Variants in PTS observed in about 807,000 individuals in gnomAD.
PTS encodes the protein 6-pyruvoyltetrahydropterin synthase.
A neutral mutation model predicts 20.6 loss-of-function variants in PTS; 23 were observed. That is an observed-to-expected ratio of 1.12 (90% CI 0.80 to 1.58). PTS has a LOEUF of 1.58. Among genes scored for constraint, PTS ranks in the 40% most tolerant of loss-of-function variants. PTS has a pLI of 0.00. For missense variants in PTS, 186 were observed against 182.4 expected (o/e 1.02, Z -0.11); for synonymous variants, 65 against 62.5 (o/e 1.04, Z -0.19).
intron 4 of PTS, among the ~76,000 whole-genome samples, chr11:112,232,658 T>C (rs1592881596): frequency 6.6e-6 from 1 of 152,206 alleles, no homozygotes; most frequent in African/African-American, 2.4e-5. Flanking sequence ...ATATTTTTCC[T>C]TCTATGAGCC....
chr11:112,233,040 A>G, intron 4 of PTS, 123 bp from the exon 5 acceptor site: 1 of 963,544 alleles, frequency 1.0e-6, no homozygotes, highest in South Asian at 1.3e-5. Context: ...ACTCAAATCT[A>G]GTACTTACAA....
chr11:112,227,242 C>T (rs773811432), intron 1 of PTS, among the ~76,000 whole-genome samples: 8 of 152,014 alleles, frequency 5.3e-5, no homozygotes, highest in African/African-American at 9.7e-5. Flanking sequence ...GGATGACCAT[C>T]GCTATCTAAC....
Position 112,230,221 on chromosome 11 carries a change from A to G in PTS, c.177A>G (p.Val59=). ...TTCTTTCCATAGTTGTGGTGACAGT[A>G]CATGGAGAGGTATGTGCAGAAAATA... ...HGHNYKVVVT[V]HGEIDPATGM... is the part of the protein sequence containing the mutation. Residue 59 remains valine (V), a synonymous_variant, in exon 3 of 6, where the codon GTA becomes GTG. Transcript: ENST00000280362. 6.2e-7 allele frequency: 1 copy of G among 1,613,722 alleles called. No homozygotes were observed. The highest frequency in any genetic ancestry group is 8.5e-7 in the Non-Finnish European group (1 of 1,179,606).
Position 112,233,496 on chromosome 11 carries a change from C to G in PTS, c.379C>G (p.Leu127Val), listed in dbSNP as rs1859971515. 1.2e-6 allele frequency: 2 copies of G among 1,612,762 alleles called. No individual in the cohort carries two copies. The highest frequency in any genetic ancestry group is 1.7e-5 in the Admixed American group (1 of 59,896). Residue 127 changes from leucine to valine, a missense_variant, in exon 6 of 6, where the codon CTT (leucine) becomes GTT (valine). By Grantham distance (32) the Leu-to-Val change is conservative. Coordinates refer to ENST00000280362, the MANE Select transcript of PTS (RefSeq NM_000317.3). Reference sequence around the variant, plus strand: ...CCAGAAAGTTCTTCCTGTAGGAGTTCTTTATAAAGTAAAAGTATACGAAAC... The same window carrying G: ...CCAGAAAGTTCTTCCTGTAGGAGTTGTTTATAAAGTAAAAGTATACGAAAC... ...NLQKVLPVGV[L>V]YKVKVYETDN...
Position 112,233,628 on chromosome 11 carries a change from T to C in PTS, c.*73T>C, listed in dbSNP as rs1859974414. The C allele has an allele frequency of 1.9e-6, 3 of 1,603,566 alleles. No homozygotes were observed. The highest frequency in any genetic ancestry group is 2.6e-6 in the Non-Finnish European group (3 of 1,175,380). ...AAAAGATTTTGATCCCCTTGGAATA[T>C]TAAGAGGTCAACACGTGATTGTTGT... On this transcript the variant is annotated 3_prime_UTR_variant, in exon 6 of 6. Transcript: ENST00000280362.
At chr11:112,230,278 C>T in intron 3 of PTS, 48 bp downstream of exon 3, 2 of 1,586,204 alleles carry the variant, frequency 1.3e-6, no homozygotes, top group Non-Finnish European at 1.7e-6. Context: ...GCTGGGCTCT[C>T]TTTCAGCCAG....
chr11:112,228,511 C>A, intron 1 of PTS, 83 bp from the exon 2 acceptor site: 1 of 1,189,732 alleles, frequency 8.4e-7, no homozygotes, highest in Non-Finnish European at 1.2e-6. Context: ...AAGATCAGTA[C>A]AAATAATAAA....
rs759579787 is a variant in PTS, at chr11:112,233,159, C to T, written c.244-4C>T. 1 of 1,613,146 alleles carries T rather than the reference C, an allele frequency of 6.2e-7. No individual in the cohort carries two copies. The highest frequency in any genetic ancestry group is 8.5e-7 in the Non-Finnish European group (1 of 1,179,162). On this transcript the variant is annotated splice_polypyrimidine_tract_variant and splice_region_variant and intron_variant, in intron 4 of 5. Transcript: ENST00000280362. ...ATGATATTTTCCCTTGGTTTTGTCT[C>T]TAGGAGGCGATTATGCAGCCCCTTG...
At position 112,233,139 on chromosome 11, in the gene PTS, A is replaced by AT; in HGVS notation, c.244-20dup. ...TTGAGTCGTAAATGGAGTCAATGAT[A>AT]TTTTCCCTTGGTTTTGTCTCTAGGA... On this transcript the variant is annotated intron_variant, in intron 4 of 5. Transcript: ENST00000280362. The AT allele has an allele frequency of 2.5e-6, 4 of 1,600,966 alleles. No homozygotes were observed. The Middle Eastern group carries it at 5.0e-4, about 199-fold the overall frequency.
rs1373599927 is a variant in PTS, at chr11:112,230,698, G to T, written c.243+16G>T. ...ATATATGGAGGTAATGGCATGTTGG[G>T]TGCTTATTATGTGCTATTCCCTAAC... On this transcript the variant is annotated intron_variant, in intron 4 of 5. Coordinates refer to ENST00000280362, the MANE Select transcript of PTS (RefSeq NM_000317.3). 6.3e-7 allele frequency: 1 copy of T among 1,598,586 alleles called. No individual in the cohort carries two copies. Among genetic ancestry groups the T allele is most frequent in the Non-Finnish European group, 8.6e-7 (1 of 1,166,178 alleles).
intron 5 of PTS, 55 bp downstream of exon 5, chr11:112,233,288 A>G: frequency 6.4e-7 from 1 of 1,570,908 alleles, no homozygotes; most frequent in Non-Finnish European, 8.8e-7. Context: ...ATTGATTTGA[A>G]TACTTTGATT....
At chr11:112,231,921 A>C in intron 4 of PTS, among the ~76,000 whole-genome samples, 1 of 103,714 alleles carries the variant, frequency 9.6e-6, no homozygotes. Flanking sequence ...AGGGGAGGAC[A>C]GGGGAGGAGA....
chr11:112,232,830 G>C (rs911383203), intron 4 of PTS, among the ~76,000 whole-genome samples: 1 of 152,166 alleles, frequency 6.6e-6, no homozygotes, highest in Non-Finnish European at 1.5e-5. Context: ...AAATATTTGT[G>C]CTAACTGTTT....
In PTS at chr11:112,230,650, A is replaced by G. The variant is rs1296871450; in HGVS notation, c.211A>G (p.Met71Val). The G allele has an allele frequency of 1.2e-6, 2 of 1,611,456 alleles. No individual in the cohort carries two copies. Among genetic ancestry groups the G allele is most frequent in the African/African-American group, 1.3e-5 (1 of 74,862 alleles). ...GEIDPATGMV[M>V]NLADLKKYME... ...GATTGACCCTGCTACGGGAATGGTT[A>G]TGAATCTGGCTGATCTCAAAAAATA... The change falls in exon 4 of 6, where the codon ATG (methionine) becomes GTG (valine). Residue 71 changes from methionine to valine, a missense_variant. Physicochemically the swap from Met to Val is conservative, Grantham distance 21. Transcript: ENST00000280362.
intron 1 of PTS, among the ~76,000 whole-genome samples, chr11:112,227,301 A>G (rs767283942): frequency 2.6e-5 from 4 of 152,056 alleles, no homozygotes; most frequent in African/African-American, 4.8e-5. Flanking sequence ...CGTGCTTGTC[A>G]GGGCTTGTGC....
intron 4 of PTS, among the ~76,000 whole-genome samples, chr11:112,232,097 A>G (rs1299133231): frequency 1.3e-5 from 2 of 152,194 alleles, no homozygotes; most frequent in African/African-American, 2.4e-5. Flanking sequence ...CACTTTCATC[A>G]GTAAAAGTGG....
At chr11:112,230,304 G>A (rs1010669958) in intron 3 of PTS, 74 bp downstream of exon 3, 13 of 1,509,928 alleles carry the variant, frequency 8.6e-6, no homozygotes, top group Non-Finnish European at 1.2e-5. Flanking sequence ...TGGATTCTGT[G>A]TTGAAAACTG....
At chr11:112,226,611 C>G in intron 1 of PTS, 85 bp downstream of exon 1, 2 of 1,262,248 alleles carry the variant, frequency 1.6e-6, no homozygotes, top group Non-Finnish European at 2.1e-6. Flanking sequence ...GGCGTGCTGA[C>G]GTCGGGCCCG....
intron 2 of PTS, chr11:112,229,954 C>T (rs1859909019): frequency 5.4e-6 from 3 of 560,532 alleles, no homozygotes; most frequent in African/African-American, 1.9e-5. Flanking sequence ...CCTTTTCAGC[C>T]TTGGCCGAGT....
Sources: gnomAD v4.1 joint callset for allele counts (sites outside exome capture counted in the v4.1 genomes callset) on GRCh38, gnomAD v4.1.1 for gene constraint, MANE v1.5 for transcripts, NCBI Gene and HGNC (gene_info 2026-07-23, HGNC 2026-07-21) for gene names.